The following ARHGAP20 variants were observed in gnomAD, a reference collection of about 807,000 sequenced individuals.
ARHGAP20 encodes the protein rho GTPase-activating protein 20.
ARHGAP20 carries 34 observed loss-of-function variants against 73.7 expected under a neutral mutation model. That is an observed-to-expected ratio of 0.46 (90% CI 0.35 to 0.61). The LOEUF (loss-of-function observed/expected upper bound fraction) is 0.61, where lower values mean the gene tolerates loss of function less well. Ranked by LOEUF, ARHGAP20 falls within the 20% of genes least tolerant of loss-of-function variation. The pLI, the probability that ARHGAP20 is intolerant of heterozygous loss-of-function variation, is 0.00. For synonymous variants in ARHGAP20, 523 were observed against 518.2 expected (o/e 1.01, Z -0.13); for missense variants, 1,314 against 1,420.9 (o/e 0.92, Z 1.21).
At chr11:110,600,760 GAAT>G (rs1254135717) in intron 9 of ARHGAP20, among the ~76,000 whole-genome samples, 5 of 152,208 alleles carry the variant, frequency 3.3e-5, no homozygotes, top group African/African-American at 4.8e-5. Flanking sequence ...TCAGAACTTT[GAAT>G]GTCTATATCT....
intron 1 of ARHGAP20, among the ~76,000 whole-genome samples, chr11:110,698,464 T>C (rs944896200): frequency 6.6e-6 from 1 of 151,792 alleles, no homozygotes; most frequent in Admixed American, 6.6e-5. Context: ...TCCCTCCTCA[T>C]TGGTTTTTTA....
intron 9 of ARHGAP20, among the ~76,000 whole-genome samples, chr11:110,599,242 G>A (rs1948050356): frequency 6.6e-6 from 1 of 152,242 alleles, no homozygotes; most frequent in African/African-American, 2.4e-5. Context: ...AGGCTCAGAA[G>A]TGCCTGCTAC....
rs1950220777 is a variant in ARHGAP20 at position 110,690,527 on chromosome 11, A to G, written c.188+20T>C. ...CTTCCAAGCACATACTGAATGTGTA[A>G]TACAAAGCTTTGCACTTACCTGGTA... On this transcript the variant is annotated intron_variant, in intron 2 of 14. Coordinates refer to ENST00000683387, the MANE Select transcript of ARHGAP20 (RefSeq NM_001384657.1). 1.2e-6 allele frequency: 2 copies of G among 1,602,428 alleles called. No individual in the cohort carries two copies. Among genetic ancestry groups the G allele is most frequent in the African/African-American group, 1.3e-5 (1 of 74,644 alleles).
intron 4 of ARHGAP20, among the ~76,000 whole-genome samples, chr11:110,618,081 T>C (rs1486466943): frequency 6.6e-6 from 1 of 152,042 alleles, no homozygotes; most frequent in Non-Finnish European, 1.5e-5. Context: ...TCGGCAAAGA[T>C]ACCTTCCACC....
At chr11:110,702,801 A>C (rs1340713678) in intron 1 of ARHGAP20, among the ~76,000 whole-genome samples, 1 of 152,178 alleles carries the variant, frequency 6.6e-6, no homozygotes, top group Non-Finnish European at 1.5e-5. Context: ...CAAAGAGAAT[A>C]AAATACCTAG....
At chr11:110,638,261 AAATT>A (rs1949009678) in intron 2 of ARHGAP20, among the ~76,000 whole-genome samples, 1 of 152,130 alleles carries the variant, frequency 6.6e-6, no homozygotes, top group South Asian at 2.1e-4. Flanking sequence ...AAATATAAAT[AAATT>A]GTGTATTTAT....
chr11:110,658,767 G>A (rs1399986936), intron 2 of ARHGAP20, among the ~76,000 whole-genome samples: 2 of 133,156 alleles, frequency 1.5e-5, no homozygotes, highest in African/African-American at 5.8e-5. Context: ...AAGTACTCAG[G>A]TTGTTGTTAT....
Position 110,579,772 on chromosome 11 carries a change from T to G in ARHGAP20, c.3174A>C (p.Arg1058Ser), listed in dbSNP as rs918391594. The G allele has an allele frequency of 2.5e-6, 4 of 1,613,958 alleles. No homozygotes were observed. The highest frequency in any genetic ancestry group is 3.4e-6 in the Non-Finnish European group (4 of 1,180,020). ...GAGAAGCTATTTTCTCTTCCTCTGGTCTGGCTGCCTTTGCTTTCTTTTTGA... is the reference window on the plus strand; with the variant it reads ...GAGAAGCTATTTTCTCTTCCTCTGGGCTGGCTGCCTTTGCTTTCTTTTTGA... ...WSLKKKAKAA[R>S]PEEEKIASPK... Residue 1058 changes from arginine (R) to serine (S), a missense_variant, in exon 15 of 15, where the codon AGA (arginine) becomes AGC (serine). Arg to Ser is a moderately radical substitution (Grantham distance 110). This residue lies in a region of ARHGAP20 where 641 missense variants were observed against 636.9 expected (regional missense o/e 1.01). Transcript: ENST00000683387.
intron 4 of ARHGAP20, among the ~76,000 whole-genome samples, chr11:110,618,657 G>A (rs928693222): frequency 2.0e-5 from 3 of 152,106 alleles, no homozygotes; most frequent in Non-Finnish European, 4.4e-5. Flanking sequence ...TGCAGTGATA[G>A]CATATATGCA....
intron 11 of ARHGAP20, among the ~76,000 whole-genome samples, chr11:110,586,825 G>A (rs1947681078): frequency 6.6e-6 from 1 of 152,120 alleles, no homozygotes; most frequent in African/African-American, 2.4e-5. Context: ...CTGTTATCTT[G>A]GAACTTTATA....
Position 110,580,366 on chromosome 11 carries a change from G to A in ARHGAP20, c.2580C>T (p.Leu860=), listed in dbSNP as rs1382347104. 3 of 1,614,240 alleles carry A rather than the reference G, an allele frequency of 1.9e-6. No individual in the cohort carries two copies. Among genetic ancestry groups the A allele is most frequent in the Non-Finnish European group, 2.5e-6 (3 of 1,180,050 alleles). ...GTTGTTTCTTTGAATAAATTCCCCT[G>A]AGATAGGTCAGCTTGCGGTTCTGGT... ...IEDQNRKLTY[L]RGIYSKKQHK... Residue 860 remains leucine (L), a synonymous_variant, in exon 15 of 15, where the codon CTC becomes CTT. Transcript: ENST00000683387.
chr11:110,634,248 A>G (rs1948916871), intron 2 of ARHGAP20, among the ~76,000 whole-genome samples: 1 of 152,080 alleles, frequency 6.6e-6, no homozygotes, highest in African/African-American at 2.4e-5. Context: ...TAAAAGGATG[A>G]GAAGTGAGGA....
In ARHGAP20 at chr11:110,577,075, A is replaced by AACAG. The variant is rs1947300417; in HGVS notation, c.*2291_*2294dup. Reference sequence around the variant, plus strand: ...AATTCTGCAGAATGGCATTTTATTTAACAGACAGCATGGACTTCATACATA... The same window carrying AACAG: ...AATTCTGCAGAATGGCATTTTATTTAACAGACAGACAGCATGGACTTCATACATA... On this transcript the variant is annotated 3_prime_UTR_variant, in exon 15 of 15. Coordinates refer to ENST00000683387, the MANE Select transcript of ARHGAP20 (RefSeq NM_001384657.1). 1 of 1,499,584 alleles carries AACAG rather than the reference A, an allele frequency of 6.7e-7. No individual in the cohort carries two copies. The allele number at this position is 1,499,584 out of a possible 1,614,324, so 92.9% of individuals were successfully genotyped here. A position where few individuals can be genotyped will look rare whatever the true frequency, so the allele number is the denominator to read the frequency against.
chr11:110,675,927 T>A (rs2135080404), intron 2 of ARHGAP20, among the ~76,000 whole-genome samples: 1 of 152,338 alleles, frequency 6.6e-6, no homozygotes, highest in South Asian at 2.1e-4. Context: ...CACCAGGTTA[T>A]GAGCTCCTTG....
intron 2 of ARHGAP20, among the ~76,000 whole-genome samples, chr11:110,672,880 T>C (rs148004627): frequency 1.3e-5 from 2 of 152,302 alleles, no homozygotes; most frequent in Non-Finnish European, 2.9e-5. Context: ...TCTTAAGATA[T>C]TTACCCAACA....
At chr11:110,659,398 G>A (rs1246219512) in intron 2 of ARHGAP20, among the ~76,000 whole-genome samples, 1 of 150,058 alleles carries the variant, frequency 6.7e-6, no homozygotes, top group Non-Finnish European at 1.5e-5. Context: ...CCCACTTTTT[G>A]ATGGGGTTGT....
chr11:110,629,526 T>G (rs1429879392), intron 3 of ARHGAP20, among the ~76,000 whole-genome samples: 1 of 148,782 alleles, frequency 6.7e-6, no homozygotes, highest in Non-Finnish European at 1.5e-5. Flanking sequence ...CTGGAGAAAC[T>G]TATTCGTTCT....
intron 8 of ARHGAP20, among the ~76,000 whole-genome samples, chr11:110,607,044 C>A (rs1948250358): frequency 6.6e-6 from 1 of 152,132 alleles, no homozygotes; most frequent in Non-Finnish European, 1.5e-5. Context: ...ACTTTTCCAA[C>A]ACGTGCATCT....
At position 110,577,136 on chromosome 11, in the gene ARHGAP20, A is replaced by C. The variant is rs904439017; in HGVS notation, c.*2234T>G. The C allele has an allele frequency of 1.5e-5, 23 of 1,534,786 alleles. No homozygotes were observed. The African/African-American group carries it at 2.6e-4, about 17-fold the overall frequency. ...GTGCCTTGAAAACCAAACAACTTTA[A>C]AAGTTAGCAGCAGTTTCTGCAAGTA... On this transcript the variant is annotated 3_prime_UTR_variant, in exon 15 of 15. Coordinates refer to ENST00000683387, the MANE Select transcript of ARHGAP20 (RefSeq NM_001384657.1).
Sources: allele counts gnomAD v4.1 joint callset (sites outside exome capture counted in the v4.1 genomes callset), GRCh38; gene constraint gnomAD v4.1.1; regional missense constraint gnomAD v4.1.1; transcripts MANE v1.5; gene names NCBI Gene and HGNC (gene_info 2026-07-23, HGNC 2026-07-21).